The following TAB2 variants were observed in gnomAD, a reference collection of about 807,000 sequenced individuals.
The protein encoded by TAB2 is TGF-beta activated kinase 1 (MAP3K7) binding protein 2, also known as TGF-beta-activated kinase 1 and MAP3K7-binding protein 2.
TAB2 carries 3 observed loss-of-function variants against 65.0 expected under a neutral mutation model. The ratio of observed to expected loss-of-function variants is 0.05; its 90% CI spans 0.02 to 0.12. TAB2 has a LOEUF of 0.12. Among genes scored for constraint, TAB2 ranks in the 10% least tolerant of loss-of-function variants. The pLI is 1.00. For synonymous variants in TAB2, 298 were observed against 285.1 expected (o/e 1.05, Z -0.46); for missense variants, 623 against 840.3 (o/e 0.74, Z 3.20).
At position 149,256,066 on chromosome 6, in the gene TAB2, C is replaced by T. The variant is rs73603511; in HGVS notation, c.-121+37290C>T. ...TTGTACCTTCAAGCCTCTGATCAAC[C>T]AGTATGTGAAAACCCACATACTGAG... On this transcript the variant is annotated intron_variant, in intron 1 of 1. Coordinates refer to the TAB2 transcript ENST00000606202. Among the ~76,000 whole-genome samples the T allele has an allele frequency of 7.1e-3, 1,078 of 152,232 alleles. 14 individuals carry two copies. Among genetic ancestry groups the T allele is most frequent in the African/African-American group, 0.025 (1,040 of 41,540 alleles).
chr6:149,237,447 G>T (rs954350130), intron 1 of TAB2, among the ~76,000 whole-genome samples: 2 of 152,172 alleles, frequency 1.3e-5, no homozygotes, highest in Non-Finnish European at 2.9e-5. Flanking sequence ...ACCCTGAGAG[G>T]CATTGCACAC....
chr6:149,326,397 T>A (rs576867140), intron 1 of TAB2, among the ~76,000 whole-genome samples: 4 of 152,294 alleles, frequency 2.6e-5, no homozygotes, highest in African/African-American at 9.6e-5. Flanking sequence ...TATGCTTTAA[T>A]CTTACACGTG....
At chr6:149,331,201 T>C (rs1779772239) in intron 1 of TAB2, among the ~76,000 whole-genome samples, 1 of 152,128 alleles carries the variant, frequency 6.6e-6, no homozygotes, top group Non-Finnish European at 1.5e-5. Context: ...ACCTGGTATA[T>C]GGTATGTCTT....
chr6:149,241,745 A>G (rs1195039239), intron 1 of TAB2, among the ~76,000 whole-genome samples: 1 of 152,220 alleles, frequency 6.6e-6, no homozygotes, highest in Non-Finnish European at 1.5e-5. Context: ...GATTTTTATT[A>G]TAGCTCAAGC....
chr6:149,398,957 C>A, intron 5 of TAB2, 147 bp from the exon 6 acceptor site: 1 of 675,220 alleles, frequency 1.5e-6, no homozygotes, highest in Middle Eastern at 4.0e-4. Flanking sequence ...GTTTTGAAAT[C>A]TTACATATAA....
At chr6:149,345,139 G>C (rs541200880) in intron 1 of TAB2, among the ~76,000 whole-genome samples, 48 of 151,958 alleles carry the variant, frequency 3.2e-4, no homozygotes, top group Non-Finnish European at 5.7e-4. Context: ...GTCAGTTTGA[G>C]TGCTTGCATA....
chr6:149,349,054 C>G (rs1398735401), intron 1 of TAB2, among the ~76,000 whole-genome samples: 1 of 151,808 alleles, frequency 6.6e-6, no homozygotes, highest in Non-Finnish European at 1.5e-5. Context: ...GAATATTGTA[C>G]TTTTTCCTCA....
chr6:149,337,458 A>C (rs1779969223), intron 1 of TAB2, among the ~76,000 whole-genome samples: 1 of 152,122 alleles, frequency 6.6e-6, no homozygotes, highest in Non-Finnish European at 1.5e-5. Context: ...AACCACACTG[A>C]GGGGTTTTAG....
chr6:149,283,321 A>G (rs1220782237), intron 1 of TAB2, among the ~76,000 whole-genome samples: 1 of 152,228 alleles, frequency 6.6e-6, no homozygotes, highest in Non-Finnish European at 1.5e-5. Context: ...AGTAAGTTAT[A>G]TCTTCATATG....
intron 1 of TAB2, among the ~76,000 whole-genome samples, chr6:149,360,401 G>C (rs1242993404): frequency 2.0e-5 from 3 of 152,214 alleles, no homozygotes; most frequent in Admixed American, 2.0e-4. Flanking sequence ...GGGGAAGCCA[G>C]TGTGTCACAT....
chr6:149,219,772 C>A (rs1777100281), intron 1 of TAB2, among the ~76,000 whole-genome samples: 1 of 152,172 alleles, frequency 6.6e-6, no homozygotes, highest in African/African-American at 2.4e-5. Context: ...TCTTTCATTA[C>A]TTTTGATAGT....
intron 1 of TAB2, among the ~76,000 whole-genome samples, chr6:149,223,936 CT>C (rs1463365673): frequency 6.6e-6 from 1 of 152,026 alleles, no homozygotes; most frequent in African/African-American, 2.4e-5. Context: ...TCATAAATAA[CT>C]TTACTTAAGT....
chr6:149,331,344 C>G (rs757898058), intron 1 of TAB2, among the ~76,000 whole-genome samples: 7 of 151,870 alleles, frequency 4.6e-5, no homozygotes, highest in African/African-American at 9.7e-5. Context: ...GTTTTTAATT[C>G]TGATTTCCAA....
intron 1 of TAB2, among the ~76,000 whole-genome samples, chr6:149,277,797 T>C (rs1778503974): frequency 6.6e-6 from 1 of 152,212 alleles, no homozygotes; most frequent in Non-Finnish European, 1.5e-5. Context: ...CATTACATTT[T>C]CTATTTCCTT....
At position 149,399,341 on chromosome 6, in the gene TAB2, G is replaced by A. The variant is rs149602759; in HGVS notation, c.1939+157G>A. Among the ~76,000 whole-genome samples, 22 of 152,220 alleles carry A rather than the reference G, an allele frequency of 1.4e-4. 1 individual carries two copies. The Middle Eastern group carries it at 0.031, about 213-fold the overall frequency. ...GATGTTTGCTTATTTTCATTTACATGCTTGGGGTTGGGAAGGATGCAAAGA... is the reference window on the plus strand; with the variant it reads ...GATGTTTGCTTATTTTCATTTACATACTTGGGGTTGGGAAGGATGCAAAGA... On this transcript the variant is annotated intron_variant, in intron 6 of 6. Coordinates refer to ENST00000637181, the MANE Select transcript of TAB2 (RefSeq NM_001292034.3).
chr6:149,371,095 C>G (rs1046812326), intron 2 of TAB2, among the ~76,000 whole-genome samples: 2 of 141,718 alleles, frequency 1.4e-5, no homozygotes, highest in Non-Finnish European at 3.1e-5. Context: ...AAAAAAGTGT[C>G]CGGGGCTCAG....
chr6:149,301,094 G>GT (rs1309739615), intron 1 of TAB2, among the ~76,000 whole-genome samples: 1 of 152,200 alleles, frequency 6.6e-6, no homozygotes. Context: ...ACAGGCAGAG[G>GT]TCCACATTGG....
At chr6:149,334,674 C>T (rs1779881070) in intron 1 of TAB2, among the ~76,000 whole-genome samples, 1 of 147,662 alleles carries the variant, frequency 6.8e-6, no homozygotes, top group African/African-American at 2.6e-5. Context: ...GACCTTGTCT[C>T]TTAAAAAAAA....
At chr6:149,339,593 ATTTATTTATTTAT>A (rs1442196917) in intron 1 of TAB2, among the ~76,000 whole-genome samples, 408 of 15,468 alleles carry the variant, frequency 0.026, 2 homozygotes, top group Non-Finnish European at 0.12. Flanking sequence ...TTTTTTATTT[ATTTATTTATTTAT>A]TTTTTTTTTT....
Sources: gnomAD v4.1 joint callset for allele counts (sites outside exome capture counted in the v4.1 genomes callset) on GRCh38, gnomAD v4.1.1 for gene constraint, MANE v1.5 for transcripts, NCBI Gene and HGNC (gene_info 2026-07-23, HGNC 2026-07-21) for gene names.